DNAH8: variants seen among roughly 807,000 people sequenced by gnomAD.
DNAH8 encodes the protein dynein axonemal heavy chain 8.
Under a neutral mutation model 562.1 loss-of-function variants are expected in DNAH8, and 382 were observed. The ratio of observed to expected loss-of-function variants is 0.68; its 90% CI spans 0.63 to 0.74. The LOEUF (loss-of-function observed/expected upper bound fraction) is 0.74, where lower values mean the gene tolerates loss of function less well. Among genes scored for constraint, DNAH8 ranks in the 30% least tolerant of loss-of-function variants. The pLI, the probability that DNAH8 is intolerant of heterozygous loss-of-function variation, is 0.00. For synonymous variants in DNAH8, 1,881 were observed against 1,919.4 expected, an observed-to-expected ratio of 0.98 and a Z score of 0.52; for missense variants, 5,203 against 5,620.4, an observed-to-expected ratio of 0.93 and a Z score of 2.37.
chr6:38,884,341 C>G (rs1338534762), intron 56 of DNAH8, among the ~76,000 whole-genome samples: 1 of 152,054 alleles, frequency 6.6e-6, no homozygotes, highest in South Asian at 2.1e-4. Flanking sequence ...CACCCAAGCT[C>G]GAGTGCAGTG....
At chr6:38,837,722 A>G (rs1443642431) in intron 32 of DNAH8, among the ~76,000 whole-genome samples, 1 of 152,232 alleles carries the variant, frequency 6.6e-6, no homozygotes, top group Non-Finnish European at 1.5e-5. Flanking sequence ...ATAATTTTAT[A>G]TAAAATGAAT....
At chr6:38,891,436 G>A (rs1779333808) in intron 58 of DNAH8, among the ~76,000 whole-genome samples, 1 of 152,244 alleles carries the variant, frequency 6.6e-6, no homozygotes. Flanking sequence ...ACATCCATTA[G>A]GCCAATTATA....
intron 33 of DNAH8, 141 bp downstream of exon 33, chr6:38,838,183 A>C (rs1774457109): frequency 3.4e-6 from 2 of 583,634 alleles, no homozygotes; most frequent in Non-Finnish European, 5.9e-6. Context: ...TATTCCAGCT[A>C]TTCTTTACAA....
chr6:38,962,897 T>C (rs1209817038), intron 82 of DNAH8, among the ~76,000 whole-genome samples: 2 of 152,152 alleles, frequency 1.3e-5, no homozygotes, highest in African/African-American at 4.8e-5. Context: ...CAAACATATG[T>C]TCTCACTCAT....
At chr6:38,832,999 T>C (rs1773971520) in intron 31 of DNAH8, among the ~76,000 whole-genome samples, 1 of 152,072 alleles carries the variant, frequency 6.6e-6, no homozygotes, top group Admixed American at 6.6e-5. Context: ...TACCAGGATA[T>C]TATGCCATTG....
intron 58 of DNAH8, among the ~76,000 whole-genome samples, chr6:38,893,504 C>T (rs1399746353): frequency 3.3e-5 from 5 of 151,974 alleles, no homozygotes; most frequent in Admixed American, 6.6e-5. Context: ...GAGTGTTATA[C>T]TATAAAAAAA....
At chr6:38,943,842 G>T (rs977733929) in intron 79 of DNAH8, among the ~76,000 whole-genome samples, 4 of 152,072 alleles carry the variant, frequency 2.6e-5, no homozygotes, top group Non-Finnish European at 5.9e-5. Context: ...ACTGTTCTAG[G>T]TACATTAATG....
At chr6:38,915,143 C>T in intron 67 of DNAH8, 58 bp from the exon 68 acceptor site, 8 of 1,420,314 alleles carry the variant, frequency 5.6e-6, no homozygotes, top group Non-Finnish European at 7.7e-6. Context: ...CTATTCAGAT[C>T]TATAAATTTT....
At chr6:38,825,866 T>A (rs1773271607) in intron 28 of DNAH8, among the ~76,000 whole-genome samples, 1 of 152,112 alleles carries the variant, frequency 6.6e-6, no homozygotes, top group Non-Finnish European at 1.5e-5. Context: ...TCAGAAGAAG[T>A]GCAAGGGTCA....
intron 45 of DNAH8, among the ~76,000 whole-genome samples, chr6:38,866,361 C>CA (rs1352418329): frequency 6.6e-6 from 1 of 151,932 alleles, no homozygotes; most frequent in Non-Finnish European, 1.5e-5. Flanking sequence ...TTTTGCCACA[C>CA]AAAATTGTGT....
intron 30 of DNAH8, among the ~76,000 whole-genome samples, chr6:38,830,384 C>G (rs1006547460): frequency 6.6e-6 from 1 of 151,820 alleles, no homozygotes; most frequent in African/African-American, 2.4e-5. Flanking sequence ...CCTGTAATCC[C>G]AGCACTTTGG....
chr6:38,901,865 A>G (rs142849659), intron 62 of DNAH8, among the ~76,000 whole-genome samples: 3,439 of 152,330 alleles, frequency 0.023, 50 homozygotes, highest in Non-Finnish European at 0.034. Context: ...CAGCATTTAA[A>G]AATCGGGAGG....
Position 38,868,196 on chromosome 6 carries a change from G to T in DNAH8, c.6828G>T (p.Leu2276=). 6.3e-7 allele frequency: 1 copy of T among 1,598,992 alleles called. No homozygotes were observed. The highest frequency in any genetic ancestry group is 8.5e-7 in the Non-Finnish European group (1 of 1,175,704). ...TAAGAGATATGAACCTTTCCAAACT[G>T]GTATCTTCTCTGAATTCTCTTCTTT... ...RGLRDMNLSK[L]VDEDEPLFLS... The change falls in exon 48 of 93, where the codon CTG becomes CTT. Residue 2276 remains leucine (L), a splice_region_variant and synonymous_variant. Transcript: ENST00000327475.
intron 7 of DNAH8, among the ~76,000 whole-genome samples, chr6:38,739,932 C>G (rs980901693): frequency 6.6e-6 from 1 of 152,014 alleles, no homozygotes; most frequent in Non-Finnish European, 1.5e-5. Context: ...TTTCATGTAC[C>G]TGTAGTTAGC....
intron 80 of DNAH8, among the ~76,000 whole-genome samples, chr6:38,945,840 A>T (rs1215443306): frequency 2.6e-5 from 4 of 152,126 alleles, no homozygotes; most frequent in Admixed American, 2.0e-4. Flanking sequence ...TGCCTGTTAG[A>T]GTTGCTGCTG....
intron 23 of DNAH8, 113 bp downstream of exon 23, chr6:38,805,709 C>A: frequency 1.7e-6 from 1 of 587,348 alleles, no homozygotes; most frequent in Non-Finnish European, 3.0e-6. Flanking sequence ...TAATTTCTAA[C>A]AAAATACAGA....
chr6:38,754,175 A>G (rs761127650), intron 9 of DNAH8, among the ~76,000 whole-genome samples: 2 of 152,140 alleles, frequency 1.3e-5, no homozygotes, highest in African/African-American at 2.4e-5. Flanking sequence ...AGCACTGTAT[A>G]TAGATGGACA....
intron 79 of DNAH8, among the ~76,000 whole-genome samples, chr6:38,941,499 C>A (rs1194949421): frequency 6.6e-6 from 1 of 152,110 alleles, no homozygotes; most frequent in Admixed American, 6.5e-5. Context: ...TCATGTGGTT[C>A]ATATTTTTTT....
chr6:38,810,861 T>C (rs1771733238), intron 24 of DNAH8, among the ~76,000 whole-genome samples: 1 of 152,178 alleles, frequency 6.6e-6, no homozygotes, highest in Admixed American at 6.5e-5. Flanking sequence ...AGGTAGACTC[T>C]TTTATCCTTT....
Sources: gnomAD v4.1 joint callset for allele counts (sites outside exome capture counted in the v4.1 genomes callset) on GRCh38, gnomAD v4.1.1 for gene constraint, MANE v1.5 for transcripts, NCBI Gene and HGNC (gene_info 2026-07-23, HGNC 2026-07-21) for gene names.